Variants in MDC1 observed in about 807,000 individuals in gnomAD.
MDC1 encodes the protein mediator of DNA damage checkpoint protein 1.
Under a neutral mutation model 142.5 loss-of-function variants are expected in MDC1, and 81 were observed. The observed-to-expected ratio is 0.57, with a 90% confidence interval of 0.47 to 0.68. The LOEUF (loss-of-function observed/expected upper bound fraction) is 0.68. Among genes scored for constraint, MDC1 ranks in the 30% least tolerant of loss-of-function variants. The pLI, the probability that MDC1 is intolerant of heterozygous loss-of-function variation, is 0.00. For synonymous variants in MDC1, 797 were observed against 968.4 expected (o/e 0.82, Z 3.29); for missense variants, 2,119 against 2,547.9 (o/e 0.83, Z 3.62).
intron 7 of MDC1, 23 bp downstream of exon 7, chr6:30,711,389 G>A: frequency 6.3e-7 from 1 of 1,592,500 alleles, no homozygotes; most frequent in Non-Finnish European, 8.6e-7. Flanking sequence ...TGGGGACACA[G>A]AGGAGGGAAG....
rs150897053 is a variant in MDC1, at chr6:30,707,397, T to A, written c.3071A>T (p.Glu1024Val). Reference protein sequence around the residue: ...AEKASRIRAAEKVSRGDQESP... With the variant: ...AEKASRIRAAVKVSRGDQESP... Reference sequence around the variant, plus strand: ...AGTAGCTCTCACCCTGGAAACCTTCTCAGCAGCTCTGATCCTGGAAGCCTT... The same window carrying A: ...AGTAGCTCTCACCCTGGAAACCTTCACAGCAGCTCTGATCCTGGAAGCCTT... The change falls in exon 9 of 15, where the codon GAG becomes GTG. Residue 1024 changes from glutamate to valine, a missense_variant. Transcript: ENST00000376406. 19 of 1,613,122 alleles carry A rather than the reference T, an allele frequency of 1.2e-5. No individual in the cohort carries two copies. The African/African-American group carries it at 2.4e-4, about 20-fold the overall frequency.
Position 30,704,043 on chromosome 6 carries a change from G to A in MDC1, c.5140C>T (p.Pro1714Ser), listed in dbSNP as rs773298044. ...VTTDQPISPE[P>S]ITQPSCIKRQ... ...TTGATGCAACTGGGTTGAGTAATAGGCTCAGGGGAAATAGGCTGGTCTGTG... is the reference window on the plus strand; with the variant it reads ...TTGATGCAACTGGGTTGAGTAATAGACTCAGGGGAAATAGGCTGGTCTGTG... The change falls in exon 10 of 15, where the codon CCT (proline) becomes TCT (serine). Residue 1714 changes from proline (P) to serine (S), a missense_variant. Coordinates refer to ENST00000376406, the MANE Select transcript of MDC1 (RefSeq NM_014641.3). The A allele has an allele frequency of 6.2e-7, 1 of 1,614,160 alleles. No individual in the cohort carries two copies. Among genetic ancestry groups the A allele is most frequent in the African/African-American group, 1.3e-5 (1 of 75,012 alleles).
Position 30,705,995 on chromosome 6 carries a change from G to A in MDC1, c.3188C>T (p.Pro1063Leu). The change falls in exon 10 of 15, where the codon CCT becomes CTT. Residue 1063 changes from proline to leucine, a missense_variant. Coordinates refer to ENST00000376406, the MANE Select transcript of MDC1 (RefSeq NM_014641.3). ...TAAAAGGGGAGAAAGAAGGGGCGGA[G>A]GTGCAAGATGTTTCTGGCTCTGAGA... The part of the protein sequence containing the change: ...LNSQSQKHLA[P>L]PPLLSPLLPS... 1 of 1,612,228 alleles carries A rather than the reference G, an allele frequency of 6.2e-7. No homozygotes were observed. The highest frequency in any genetic ancestry group is 8.5e-7 in the Non-Finnish European group (1 of 1,179,938).
At chr6:30,706,620 TAAAAAAAAAA>T (rs9278748) in intron 9 of MDC1, among the ~76,000 whole-genome samples, 1 of 42,788 alleles carries the variant, frequency 2.3e-5, no homozygotes, top group African/African-American at 1.1e-4. Context: ...AGACTCTGTC[TAAAAAAAAAA>T]AAAAAAAAAA....
In MDC1 at chr6:30,702,684, A is replaced by C. The variant is rs773140115; in HGVS notation, c.5992-21T>G. On this transcript the variant is annotated intron_variant, in intron 13 of 14. Transcript: ENST00000376406. The stretch of plus-strand genomic sequence containing the variant: ...TAGCCCTAAGAGAAAGAAATGATGG[A>C]GATGGTATTGTAGATTGGGAAGCAC... 4 of 1,611,668 alleles carry C rather than the reference A, an allele frequency of 2.5e-6. No homozygotes were observed. In the Admixed American group the frequency reaches 6.7e-5, roughly 27 times the overall value.
rs1169742995 is a variant in MDC1 at position 30,703,967 on chromosome 6, T to C, written c.5216A>G (p.His1739Arg). The change falls in exon 10 of 15, where the codon CAT becomes CGT. Residue 1739 changes from histidine to arginine, a missense_variant. By Grantham distance (29) the His-to-Arg change is conservative. Transcript: ENST00000376406. The surrounding 1 kb of genome is among the most constrained non-coding windows in gnomAD (Gnocchi z 4.4). Reference protein sequence around the residue: ...NPGSLAAPIDHKPCSAPLEPK... With the variant: ...NPGSLAAPIDRKPCSAPLEPK... ...TTCCAAGGGTGCAGAGCAAGGCTTA[T>C]GGTCAATGGGAGCTGCGAGGGAGCC... The C allele has an allele frequency of 5.6e-6, 9 of 1,614,174 alleles. No homozygotes were observed. The South Asian group carries it at 8.8e-5, about 16-fold the overall frequency.
rs776932566 is a variant in MDC1, at chr6:30,703,862, G to A, written c.5321C>T (p.Ala1774Val). ...TGGTGTCTCAAGAAGCTGGGGAGAG[G>A]CAGGCTCAGGAATGGCTGTAAGGGA... is the stretch of plus-strand genomic sequence containing the variant. Reference protein sequence around the residue: ...AESLTAIPEPASPQLLETPIH... With the variant: ...AESLTAIPEPVSPQLLETPIH... The change falls in exon 10 of 15, where the codon GCC becomes GTC. Residue 1774 changes from alanine (A) to valine (V), a missense_variant. Physicochemically the swap from Ala to Val is moderately conservative, Grantham distance 64. Coordinates refer to ENST00000376406, the MANE Select transcript of MDC1 (RefSeq NM_014641.3). The surrounding 1 kb of genome is among the most constrained non-coding windows in gnomAD (Gnocchi z 4.4). The A allele has an allele frequency of 1.9e-6, 3 of 1,613,940 alleles. No homozygotes were observed. In the South Asian group the frequency reaches 3.3e-5, roughly 18 times the overall value.
At position 30,700,482 on chromosome 6, in the gene MDC1, C is replaced by T. The variant is rs1211907253; in HGVS notation, c.6253G>A (p.Glu2085Lys). ...KPEAFVLSPL[E>K]MSST is the part of the protein sequence containing the mutation. Reference sequence around the variant, plus strand: ...TGGAGTTCTCAGGTGGATGACATCTCCAAAGGGGAGAGGACAAAGGCCTCT... The same window carrying T: ...TGGAGTTCTCAGGTGGATGACATCTTCAAAGGGGAGAGGACAAAGGCCTCT... The change falls in exon 15 of 15, where the codon GAG becomes AAG. Residue 2085 changes from glutamate to lysine, a missense_variant. Coordinates refer to ENST00000376406, the MANE Select transcript of MDC1 (RefSeq NM_014641.3). 6.2e-7 allele frequency: 1 copy of T among 1,612,704 alleles called. No individual in the cohort carries two copies. The highest frequency in any genetic ancestry group is 1.7e-5 in the Admixed American group (1 of 59,978).
chr6:30,706,794 CA>C (rs1397942948), intron 9 of MDC1, among the ~76,000 whole-genome samples: 2 of 149,032 alleles, frequency 1.3e-5, no homozygotes, highest in South Asian at 2.2e-4. Flanking sequence ...GAGACTGTCT[CA>C]AAAAAAACAA....
At chr6:30,711,796 T>G in intron 5 of MDC1, 70 bp from the exon 6 acceptor site, 1 of 1,571,680 alleles carries the variant, frequency 6.4e-7, no homozygotes, top group South Asian at 1.2e-5. Context: ...TTAAATAATC[T>G]CTACCTTTCT....
At position 30,711,887 on chromosome 6, in the gene MDC1, T is replaced by C; in HGVS notation, c.2055A>G (p.Glu685=). The C allele has an allele frequency of 1.3e-6, 2 of 1,530,954 alleles. No homozygotes were observed. Among genetic ancestry groups the C allele is most frequent in the Non-Finnish European group, 1.8e-6 (2 of 1,140,512 alleles). 94.8% of individuals were successfully genotyped at this position (1,530,954 alleles called of 1,614,324 possible). A position where few individuals can be genotyped will look rare whatever the true frequency, so the allele number is the denominator to read the frequency against. The part of the protein sequence containing the change: ...EQHVGGTKDS[E]DNYGDSEDLD... ...GCCAGCACTTACCACCATAGTTGTCTTCAGAGTCCTTGGTCCCACCCACAT... is the reference window on the plus strand; with the variant it reads ...GCCAGCACTTACCACCATAGTTGTCCTCAGAGTCCTTGGTCCCACCCACAT... The change falls in exon 5 of 15, where the codon GAA becomes GAG. Residue 685 remains glutamate (E), a synonymous_variant. Transcript: ENST00000376406.
Position 30,713,633 on chromosome 6 carries a change from C to T in MDC1, c.587+15G>A. On this transcript the variant is annotated intron_variant, in intron 4 of 14. Coordinates refer to ENST00000376406, the MANE Select transcript of MDC1 (RefSeq NM_014641.3). This position sits in a 1 kb window ranked among gnomAD's most constrained non-coding sequence, Gnocchi z 4.9. ...TCATTTTGAAGACTCAGGTGTCTGA[C>T]TCTTTGGCACTCACCTCTCTGGAAC... 8.1e-6 allele frequency: 13 copies of T among 1,612,042 alleles called. No individual in the cohort carries two copies. The highest frequency in any genetic ancestry group is 1.1e-5 in the Non-Finnish European group (13 of 1,178,464).
At chr6:30,710,450 T>A (rs954586642) in intron 7 of MDC1, among the ~76,000 whole-genome samples, 1 of 151,126 alleles carries the variant, frequency 6.6e-6, no homozygotes. Context: ...CAGGCCAGAG[T>A]GCGATGGCAC....
In MDC1 at chr6:30,707,742, G is replaced by GT. The variant is rs1562105762; in HGVS notation, c.2836dup (p.Thr946AsnfsTer70). The GT allele has an allele frequency of 6.2e-7, 1 of 1,613,034 alleles. No individual in the cohort carries two copies. ...CCCTCCCTCTGGCTCCCCTCTCTGT[G>GT]TATCTCTCTCCAGGATCACTTTGGG... On this transcript the variant is annotated frameshift_variant, in exon 8 of 15. Coordinates refer to ENST00000376406, the MANE Select transcript of MDC1 (RefSeq NM_014641.3). LOFTEE classifies it high-confidence loss of function.
chr6:30,716,435 CT>C lies in MDC1; in HGVS notation c.-4+809del, dbSNP rs1775678800. 1.3e-5 allele frequency among the ~76,000 whole-genome samples: 2 copies of C among 152,176 alleles called. No individual in the cohort carries two copies. Among genetic ancestry groups the C allele is most frequent in the South Asian group, 4.1e-4 (2 of 4,838 alleles). The stretch of plus-strand genomic sequence containing the variant: ...GACGGGGTTTCACCACGGTCTCGAG[CT>C]CCTGACCTCAGGTGATCCGCCCACC... On this transcript the variant is annotated intron_variant, in intron 1 of 14. Coordinates refer to ENST00000376406, the MANE Select transcript of MDC1 (RefSeq NM_014641.3). The surrounding 1 kb of genome is among the most constrained non-coding windows in gnomAD (Gnocchi z 4.4).
In MDC1 at chr6:30,702,561, A is replaced by C; in HGVS notation, c.6094T>G (p.Ser2032Ala). 1 of 1,587,890 alleles carries C rather than the reference A, an allele frequency of 6.3e-7. No individual in the cohort carries two copies. The highest frequency in any genetic ancestry group is 8.6e-7 in the Non-Finnish European group (1 of 1,168,848). ...GAACATCCTAAGCATACCTTATAGG[A>C]CCGAGGCATGCTGGGTAGGTATGTG... is the stretch of plus-strand genomic sequence containing the variant. The part of the protein sequence containing the change: ...GGTYLPSMPR[S>A]YKPQRVVITC... Residue 2032 changes from serine to alanine, a missense_variant, in exon 14 of 15, where the codon TCC (serine) becomes GCC (alanine). Coordinates refer to ENST00000376406, the MANE Select transcript of MDC1 (RefSeq NM_014641.3).
In MDC1 at chr6:30,709,460, T is replaced by TA. The variant is rs529943228; in HGVS notation, c.2222-1104dup. Among the ~76,000 whole-genome samples, 108 of 152,366 alleles carry TA rather than the reference T, an allele frequency of 7.1e-4. No individual in the cohort carries two copies. The highest frequency in any genetic ancestry group is 2.5e-3 in the African/African-American group (105 of 41,588). ...GACTCATGCATACAATGTACAATGATAAAACCAAGATAATTGGGATATCCA... is the reference window on the plus strand; with the variant it reads ...GACTCATGCATACAATGTACAATGATAAAAACCAAGATAATTGGGATATCCA... On this transcript the variant is annotated intron_variant, in intron 7 of 14. Transcript: ENST00000376406. The surrounding 1 kb of genome is among the most constrained non-coding windows in gnomAD (Gnocchi z 4.2).
At position 30,707,970 on chromosome 6, in the gene MDC1, T is replaced by C. The variant is rs770034219; in HGVS notation, c.2609A>G (p.Gln870Arg). The C allele has an allele frequency of 1.2e-6, 2 of 1,613,024 alleles. No individual in the cohort carries two copies. Among genetic ancestry groups the C allele is most frequent in the Non-Finnish European group, 1.7e-6 (2 of 1,180,048 alleles). Reference protein sequence around the residue: ...EQKQLLARDTQRQESDKNGES... With the variant: ...EQKQLLARDTRRQESDKNGES... ...CCCATTTTTGTCAGATTCTTGTCTC[T>C]GGGTGTCTCTAGCTAACAACTGTTT... The change falls in exon 8 of 15, where the codon CAG (glutamine) becomes CGG (arginine). Residue 870 changes from glutamine to arginine, a missense_variant. Transcript: ENST00000376406.
At position 30,712,460 on chromosome 6, in the gene MDC1, G is replaced by A; in HGVS notation, c.1482C>T (p.Asp494=). The part of the protein sequence containing the change: ...HSEKDQPPFG[D]SDDSVEADKS... ...TATCTGCTTCCACACTGTCATCACT[G>A]TCCCCAAAAGGAGGTTGGTCCTTTT... is the stretch of plus-strand genomic sequence containing the variant. The change falls in exon 5 of 15, where the codon GAC becomes GAT. Residue 494 remains aspartate (D), a synonymous_variant. Coordinates refer to ENST00000376406, the MANE Select transcript of MDC1 (RefSeq NM_014641.3). The surrounding 1 kb of genome is among the most constrained non-coding windows in gnomAD (Gnocchi z 4.7). 1 of 1,613,014 alleles carries A rather than the reference G, an allele frequency of 6.2e-7. No individual in the cohort carries two copies. Among genetic ancestry groups the A allele is most frequent in the East Asian group, 2.2e-5 (1 of 44,888 alleles).
Sources: gnomAD v4.1 joint callset for allele counts (sites outside exome capture counted in the v4.1 genomes callset) on GRCh38, gnomAD v4.1.1 for gene constraint, Gnocchi (gnomAD v3.1) non-coding constraint, MANE v1.5 for transcripts, NCBI Gene and HGNC (gene_info 2026-07-23, HGNC 2026-07-21) for gene names.